The following INTS1 variants were observed in gnomAD, a reference collection of about 807,000 sequenced individuals.
INTS1 encodes integrator complex subunit 1.
A neutral mutation model predicts 241.6 loss-of-function variants in INTS1; 137 were observed. That is an observed-to-expected ratio of 0.57 (90% CI 0.49 to 0.65). The LOEUF is 0.65. Among genes scored for constraint, INTS1 ranks in the 30% least tolerant of loss-of-function variants. The pLI, the probability that INTS1 is intolerant of heterozygous loss-of-function variation, is 0.00. For synonymous variants in INTS1, 1,692 were observed against 1,337.8 expected (o/e 1.26, Z -5.78); for missense variants, 3,073 against 3,032.2 (o/e 1.01, Z -0.32).
intron 14 of INTS1, 117 bp from the exon 15 acceptor site, chr7:1,494,028 G>T: frequency 3.9e-6 from 5 of 1,282,056 alleles, no homozygotes; most frequent in Non-Finnish European, 5.3e-6. Context: ...GAGGGCTGCT[G>T]CTGCCTCCCA....
Position 1,487,000 on chromosome 7 carries a change from G to A in INTS1, c.2748C>T (p.His916=), listed in dbSNP as rs761852462. The change falls in exon 21 of 48, where the codon CAC becomes CAT. Residue 916 remains histidine, a synonymous_variant. Transcript: ENST00000404767. ...CGGAAGCAGCATCGTCCACAGCATC[G>A]TGCAGCAGGAACTCGCACAGACACT... is the stretch of plus-strand genomic sequence containing the variant. The part of the protein sequence containing the change: ...PVQCLCEFLL[H]DAVDDAASGE... 9.3e-6 allele frequency: 15 copies of A among 1,607,018 alleles called. No homozygotes were observed. Among genetic ancestry groups the A allele is most frequent in the Middle Eastern group, 1.6e-4 (1 of 6,082 alleles).
rs1468208337 is a variant in INTS1, at chr7:1,471,011, C to G, written c.6348-56G>C. ...TCCACCCTGTGCCCACGCCAGACCC[C>G]CACCCGACAGGGCGAGCTGAGCCGC... On this transcript the variant is annotated intron_variant, in intron 46 of 47. Transcript: ENST00000404767. 3.3e-6 allele frequency: 5 copies of G among 1,520,684 alleles called. No individual in the cohort carries two copies. The African/African-American group carries it at 5.5e-5, about 17-fold the overall frequency. The allele number at this position is 1,520,684 out of a possible 1,614,324, so 94.2% of individuals were successfully genotyped here. A position where few individuals can be genotyped will look rare whatever the true frequency, so the allele number is the denominator to read the frequency against.
At chr7:1,471,701 C>T in intron 44 of INTS1, 60 bp from the exon 45 acceptor site, 1 of 1,528,934 alleles carries the variant, frequency 6.5e-7, no homozygotes, top group Admixed American at 1.7e-5. Context: ...CTGCCCACCC[C>T]ACCCCAGCCA....
chr7:1,498,653 C>A (rs1372148733), intron 9 of INTS1, 54 bp downstream of exon 9: 1 of 1,533,228 alleles, frequency 6.5e-7, no homozygotes, highest in Non-Finnish European at 8.8e-7. Context: ...CCCACACCCC[C>A]ACCCACACCC....
chr7:1,492,872 A>G, intron 16 of INTS1, 138 bp downstream of exon 16: 1 of 493,104 alleles, frequency 2.0e-6, no homozygotes, highest in Non-Finnish European at 3.5e-6. Flanking sequence ...GCGCGGGCTT[A>G]CCCGGGCGGG....
chr7:1,487,898 T>C lies in INTS1; in HGVS notation c.2378A>G (p.Asn793Ser), dbSNP rs772525793. The C allele has an allele frequency of 6.2e-7, 1 of 1,613,512 alleles. No homozygotes were observed. Among genetic ancestry groups the C allele is most frequent in the South Asian group, 1.1e-5 (1 of 91,080 alleles). Residue 793 changes from asparagine to serine, a missense_variant, in exon 19 of 48, where the codon AAC becomes AGC. Asn to Ser is a conservative substitution (Grantham distance 46, BLOSUM62 1). Coordinates refer to ENST00000404767, the MANE Select transcript of INTS1 (RefSeq NM_001080453.3). ...TDEETRTEML[N>S]RELQTAQREK... is the part of the protein sequence containing the mutation. ...CCGCTGGGCGGTCTGCAGCTCACGG[T>C]TCAGCATCTCCGTCCGGGTCTCCTC... is the stretch of plus-strand genomic sequence containing the variant.
At chr7:1,487,291 T>C (rs745440297) in intron 20 of INTS1, 29 bp downstream of exon 20, 2 of 1,567,378 alleles carry the variant, frequency 1.3e-6, no homozygotes, top group Non-Finnish European at 1.7e-6. Flanking sequence ...AAGACCACCA[T>C]CTCTACCTCC....
intron 25 of INTS1, 22 bp from the exon 26 acceptor site, chr7:1,483,875 C>T (rs763469779): frequency 6.2e-7 from 1 of 1,603,224 alleles, no homozygotes; most frequent in Admixed American, 1.7e-5. Flanking sequence ...GAGGTGGAGT[C>T]AGGCCGTAAG....
At chr7:1,492,706 G>A (rs948310423) in intron 16 of INTS1, among the ~76,000 whole-genome samples, 1 of 152,228 alleles carries the variant, frequency 6.6e-6, no homozygotes, top group Non-Finnish European at 1.5e-5. Context: ...AAGACAACGG[G>A]GAAACAGCCC....
intron 27 of INTS1, 74 bp downstream of exon 27, chr7:1,482,472 G>T: frequency 1.4e-6 from 2 of 1,465,004 alleles, no homozygotes; most frequent in South Asian, 2.6e-5. Context: ...GGCTGCCCAG[G>T]CCCACAAGGA....
At chr7:1,482,742 C>G (rs1290624412) in intron 26 of INTS1, 35 bp from the exon 27 acceptor site, 2 of 1,602,354 alleles carry the variant, frequency 1.2e-6, no homozygotes, top group South Asian at 2.2e-5. Context: ...AGCCTTCAGA[C>G]CCACCGGGGC....
rs369993474 is a variant in INTS1 at position 1,497,162 on chromosome 7, C to A, written c.1578G>T (p.Pro526=). Residue 526 remains proline, a synonymous_variant, in exon 11 of 48, where the codon CCG becomes CCT. Coordinates refer to ENST00000404767, the MANE Select transcript of INTS1 (RefSeq NM_001080453.3). The surrounding 1 kb of genome is among the most constrained non-coding windows in gnomAD (Gnocchi z 5.3). ...CCTTGAACTCCATCTCCAGGTACTG[C>A]GGCTCCTTGCGCTCCTGCATGAGCC... is the stretch of plus-strand genomic sequence containing the variant. ...CLGLMQERKE[P]QYLEMEFKER... The A allele has an allele frequency of 5.0e-6, 8 of 1,607,596 alleles. No individual in the cohort carries two copies. Among genetic ancestry groups the A allele is most frequent in the Non-Finnish European group, 5.9e-6 (7 of 1,177,810 alleles).
intron 2 of INTS1, among the ~76,000 whole-genome samples, 166 bp from the exon 3 acceptor site, chr7:1,503,357 G>A (rs755237335): frequency 1.3e-5 from 2 of 152,188 alleles, no homozygotes; most frequent in South Asian, 2.1e-4. Context: ...GGACCAGCAG[G>A]ATACGCACAG....
chr7:1,493,000 G>A lies in INTS1; in HGVS notation c.2165+10C>T, dbSNP rs375714718. Reference sequence around the variant, plus strand: ...CCCGGGCGGGAGTGGGGAGCGGGGCGTGGGCTTACCCCGGTGGGAGCTGGA... The same window carrying A: ...CCCGGGCGGGAGTGGGGAGCGGGGCATGGGCTTACCCCGGTGGGAGCTGGA... On this transcript the variant is annotated intron_variant, in intron 16 of 47. Transcript: ENST00000404767. 2.1e-5 allele frequency: 33 copies of A among 1,607,872 alleles called. No individual in the cohort carries two copies. Among genetic ancestry groups the A allele is most frequent in the Middle Eastern group, 1.7e-4 (1 of 6,044 alleles).
intron 33 of INTS1, 140 bp from the exon 34 acceptor site, chr7:1,478,076 G>C (rs137885853): frequency 3.9e-6 from 3 of 768,428 alleles, no homozygotes; most frequent in Admixed American, 4.8e-5. Flanking sequence ...CCAGAGAGGA[G>C]AGTGCAGCCG....
intron 14 of INTS1, among the ~76,000 whole-genome samples, chr7:1,494,149 G>A (rs1782731261): frequency 6.6e-6 from 1 of 152,166 alleles, no homozygotes; most frequent in Non-Finnish European, 1.5e-5. Flanking sequence ...AAGGCCTTTG[G>A]GGATACACAC....
chr7:1,503,875 G>T, intron 2 of INTS1, 28 bp downstream of exon 2: 1 of 1,245,414 alleles, frequency 8.0e-7, no homozygotes, highest in Non-Finnish European at 1.1e-6. Context: ...AAAGACCCCC[G>T]GGCTGCAGAG....
intron 2 of INTS1, 103 bp from the exon 3 acceptor site, chr7:1,503,294 CA>C: frequency 1.6e-6 from 2 of 1,269,196 alleles, no homozygotes; most frequent in Non-Finnish European, 2.2e-6. Context: ...AAACAAGGGT[CA>C]GAGGAGGCAA....
intron 19 of INTS1, 40 bp downstream of exon 19, chr7:1,487,720 C>T (rs1189337834): frequency 1.9e-6 from 3 of 1,598,912 alleles, no homozygotes; most frequent in African/African-American, 2.7e-5. Flanking sequence ...CCCACAGGTC[C>T]CGACGGCAGG....
Sources: allele counts gnomAD v4.1 joint callset (sites outside exome capture counted in the v4.1 genomes callset), GRCh38; gene constraint gnomAD v4.1.1; non-coding constraint Gnocchi (gnomAD v3.1); transcripts MANE v1.5; gene names NCBI Gene and HGNC (gene_info 2026-07-23, HGNC 2026-07-21).